Variants in ADAMTS12 observed in about 807,000 individuals in gnomAD.
ADAMTS12 encodes A disintegrin and metalloproteinase with thrombospondin motifs 12.
In ADAMTS12, 118 loss-of-function variants were observed where a neutral mutation model predicts 167.8. The observed-to-expected ratio is 0.70, with a 90% confidence interval of 0.61 to 0.82. The LOEUF (loss-of-function observed/expected upper bound fraction) is 0.82, where lower values mean the gene tolerates loss of function less well. Among genes scored for constraint, ADAMTS12 ranks in the 40% least tolerant of loss-of-function variants. ADAMTS12 has a pLI of 0.00. For synonymous variants in ADAMTS12, 704 were observed against 716.9 expected (o/e 0.98, Z 0.29); for missense variants, 1,916 against 1,998.8 (o/e 0.96, Z 0.79).
chr5:33,863,037 G>A (rs879915181), intron 2 of ADAMTS12, among the ~76,000 whole-genome samples: 19 of 152,114 alleles, frequency 1.2e-4, no homozygotes, highest in Admixed American at 1.1e-3. Context: ...TCGATGAAAC[G>A]TATCTCAAAA....
chr5:33,721,763 C>T (rs1285062284), intron 3 of ADAMTS12, among the ~76,000 whole-genome samples: 1 of 152,224 alleles, frequency 6.6e-6, no homozygotes, highest in African/African-American at 2.4e-5. Flanking sequence ...CCTCTCCCTT[C>T]ACCACCTGCT....
At chr5:33,753,615 C>T (rs527966916) in intron 2 of ADAMTS12, among the ~76,000 whole-genome samples, 1 of 152,172 alleles carries the variant, frequency 6.6e-6, no homozygotes, top group Non-Finnish European at 1.5e-5. Context: ...ACAAAAGACA[C>T]CACCAAGATG....
At chr5:33,851,226 C>T (rs527577075) in intron 2 of ADAMTS12, among the ~76,000 whole-genome samples, 23 of 152,238 alleles carry the variant, frequency 1.5e-4, no homozygotes, top group South Asian at 4.1e-4. Context: ...TTCTGGCTAA[C>T]GTGGTGAAAC....
intron 2 of ADAMTS12, among the ~76,000 whole-genome samples, chr5:33,796,486 C>T (rs989123924): frequency 2.6e-4 from 40 of 152,176 alleles, no homozygotes; most frequent in African/African-American, 9.2e-4. Flanking sequence ...CATTTATATA[C>T]ACCTGCAGTG....
chr5:33,576,284 G>C lies in ADAMTS12; in HGVS notation c.3742C>G (p.Leu1248Val), dbSNP rs1746710380. ...GMVTEKPANT[L>V]LPLGGDHQPE... Reference sequence around the variant, plus strand: ...TGGTGGTCTCCTCCCAGAGGGAGCAGAGTGTTGGCTGGCTTTTCAGTAACC... The same window carrying C: ...TGGTGGTCTCCTCCCAGAGGGAGCACAGTGTTGGCTGGCTTTTCAGTAACC... Residue 1248 changes from leucine to valine, a missense_variant, in exon 19 of 24, where the codon CTG becomes GTG. Leu to Val is a conservative substitution (Grantham distance 32). Coordinates refer to ENST00000504830, the MANE Select transcript of ADAMTS12 (RefSeq NM_030955.4). 2 of 1,614,190 alleles carry C rather than the reference G, an allele frequency of 1.2e-6. No homozygotes were observed. The highest frequency in any genetic ancestry group is 2.2e-5 in the South Asian group (2 of 91,090).
intron 14 of ADAMTS12, among the ~76,000 whole-genome samples, chr5:33,618,940 T>C (rs1739167683): frequency 6.6e-6 from 1 of 152,166 alleles, no homozygotes; most frequent in Non-Finnish European, 1.5e-5. Context: ...TTCTCTTCCA[T>C]AATGTTGACA....
At chr5:33,863,482 A>G (rs1749698467) in intron 2 of ADAMTS12, among the ~76,000 whole-genome samples, 1 of 152,218 alleles carries the variant, frequency 6.6e-6, no homozygotes, top group Non-Finnish European at 1.5e-5. Context: ...AATCCAACTT[A>G]CAAGGAATGT....
chr5:33,854,019 C>T (rs968130302), intron 2 of ADAMTS12, among the ~76,000 whole-genome samples: 1 of 152,188 alleles, frequency 6.6e-6, no homozygotes, highest in Non-Finnish European at 1.5e-5. Flanking sequence ...CCTCCAACTC[C>T]CAAATTCGGT....
chr5:33,813,386 C>G (rs1307824469), intron 2 of ADAMTS12, among the ~76,000 whole-genome samples: 1 of 152,120 alleles, frequency 6.6e-6, no homozygotes, highest in Non-Finnish European at 1.5e-5. Context: ...TTGCAAAGTA[C>G]TTGTTCAAGT....
At chr5:33,630,262 A>C (rs1739858635) in intron 13 of ADAMTS12, among the ~76,000 whole-genome samples, 1 of 152,242 alleles carries the variant, frequency 6.6e-6, no homozygotes, top group African/African-American at 2.4e-5. Context: ...AAAAGCATCA[A>C]CACATCAGGT....
intron 9 of ADAMTS12, among the ~76,000 whole-genome samples, chr5:33,647,669 T>C (rs912854831): frequency 2.6e-5 from 4 of 152,162 alleles, no homozygotes; most frequent in Admixed American, 6.5e-5. Flanking sequence ...AGGCAGAGGT[T>C]GCAGTGAGCC....
At chr5:33,640,285 T>A (rs1354308762) in intron 11 of ADAMTS12, among the ~76,000 whole-genome samples, 1 of 152,204 alleles carries the variant, frequency 6.6e-6, no homozygotes, top group Non-Finnish European at 1.5e-5. Flanking sequence ...TATGACAAAC[T>A]GTGGCCTTGG....
At chr5:33,753,381 T>C (rs1745065143) in intron 2 of ADAMTS12, among the ~76,000 whole-genome samples, 1 of 152,104 alleles carries the variant, frequency 6.6e-6, no homozygotes, top group South Asian at 2.1e-4. Context: ...ATAACTGCCA[T>C]AAAATAGTGG....
At chr5:33,553,245 G>C (rs1366357656) in intron 20 of ADAMTS12, among the ~76,000 whole-genome samples, 1 of 152,190 alleles carries the variant, frequency 6.6e-6, no homozygotes, top group Non-Finnish European at 1.5e-5. Context: ...GGAGAAAAAG[G>C]AATGCTTATA....
At chr5:33,591,514 C>T (rs1236506601) in intron 17 of ADAMTS12, among the ~76,000 whole-genome samples, 1 of 152,148 alleles carries the variant, frequency 6.6e-6, no homozygotes. Context: ...TTCAACTAAA[C>T]ATTTCAAATT....
At chr5:33,789,904 G>A (rs1746462541) in intron 2 of ADAMTS12, among the ~76,000 whole-genome samples, 1 of 152,014 alleles carries the variant, frequency 6.6e-6, no homozygotes, top group Non-Finnish European at 1.5e-5. Flanking sequence ...GAATACAACA[G>A]TGTTGATTGC....
At chr5:33,617,966 T>C (rs1201522491) in intron 14 of ADAMTS12, among the ~76,000 whole-genome samples, 1 of 152,182 alleles carries the variant, frequency 6.6e-6, no homozygotes, top group African/African-American at 2.4e-5. Flanking sequence ...AAAGTACAAG[T>C]GGCCCTTAAA....
chr5:33,828,496 A>C (rs1188358504), intron 2 of ADAMTS12, among the ~76,000 whole-genome samples: 1 of 152,116 alleles, frequency 6.6e-6, no homozygotes, highest in East Asian at 1.9e-4. Flanking sequence ...CATATTTCTC[A>C]ATGTTTTGCT....
At chr5:33,735,988 A>G (rs1744359754) in intron 3 of ADAMTS12, among the ~76,000 whole-genome samples, 1 of 151,826 alleles carries the variant, frequency 6.6e-6, no homozygotes, top group Admixed American at 6.6e-5. Context: ...AGAATAAAGG[A>G]TTCTTAGAGC....
Sources: gnomAD v4.1 joint callset for allele counts (sites outside exome capture counted in the v4.1 genomes callset) on GRCh38, gnomAD v4.1.1 for gene constraint, MANE v1.5 for transcripts, NCBI Gene and HGNC (gene_info 2026-07-23, HGNC 2026-07-21) for gene names.